Variants in HSPA12A observed in about 807,000 individuals in gnomAD.
The protein encoded by HSPA12A is heat shock 70 kDa protein 12A.
In HSPA12A, 28 loss-of-function variants were observed where a neutral mutation model predicts 69.2. The observed-to-expected ratio is 0.40, with a 90% CI of 0.30 to 0.55. The LOEUF (loss-of-function observed/expected upper bound fraction) is 0.55. Ranked by LOEUF, HSPA12A falls within the 20% of genes least tolerant of loss-of-function variation. The pLI is 0.38. For synonymous variants in HSPA12A, 345 were observed against 370.5 expected (o/e 0.93, Z 0.79); for missense variants, 686 against 900.7 (o/e 0.76, Z 3.05).
At chr10:116,811,384 C>T (rs1637558) in intron 2 of HSPA12A, among the ~76,000 whole-genome samples, 56,347 of 151,634 alleles carry the variant, frequency 0.37, 11,012 homozygotes, top group Middle Eastern at 0.48. Flanking sequence ...CCCAGGCCAC[C>T]TCCGCAAGGC....
intron 1 of HSPA12A, among the ~76,000 whole-genome samples, chr10:116,712,064 G>C (rs572446436): frequency 1.4e-3 from 207 of 152,228 alleles, no homozygotes; most frequent in Non-Finnish European, 1.9e-3. Flanking sequence ...CCTTTCTGGG[G>C]AACAGACCTT....
intron 2 of HSPA12A, among the ~76,000 whole-genome samples, chr10:116,753,330 A>T (rs1036651132): frequency 2.0e-5 from 3 of 152,222 alleles, no homozygotes; most frequent in African/African-American, 7.2e-5. Context: ...GAGGACCCTG[A>T]AAAGACACCT....
intron 6 of HSPA12A, among the ~76,000 whole-genome samples, chr10:116,689,029 A>T (rs1849658421): frequency 2.6e-5 from 4 of 152,156 alleles, no homozygotes; most frequent in Admixed American, 2.6e-4. Flanking sequence ...CTTTTCAACA[A>T]GCACTCAACT....
chr10:116,767,610 C>T (rs1174814524), intron 2 of HSPA12A, among the ~76,000 whole-genome samples: 1 of 152,198 alleles, frequency 6.6e-6, no homozygotes, highest in Non-Finnish European at 1.5e-5. Context: ...CCACAGAAAT[C>T]CAAAACAAGG....
Position 116,681,321 on chromosome 10 carries a change from G to A in HSPA12A, c.923-65C>T, listed in dbSNP as rs373505661. 49 of 1,343,962 alleles carry A rather than the reference G, an allele frequency of 3.6e-5. No individual in the cohort carries two copies. The African/African-American group carries it at 5.9e-4, about 16-fold the overall frequency. 83.3% of individuals were successfully genotyped at this position (1,343,962 alleles called of 1,614,324 possible). A position where few individuals can be genotyped will look rare whatever the true frequency, so the allele number is the denominator to read the frequency against. On this transcript the variant is annotated intron_variant, in intron 8 of 11. Transcript: ENST00000369209. Reference sequence around the variant, plus strand: ...CAACCCCATCTGAAACAAGCTTGTGGGTGGTAACTAGGTAGACCCAGCTAA... The same window carrying A: ...CAACCCCATCTGAAACAAGCTTGTGAGTGGTAACTAGGTAGACCCAGCTAA...
intron 1 of HSPA12A, among the ~76,000 whole-genome samples, chr10:116,720,463 C>T (rs554941492): frequency 1.4e-4 from 21 of 152,354 alleles, no homozygotes; most frequent in African/African-American, 4.8e-4. Flanking sequence ...CCTAGTCAGA[C>T]AGCTGCAGTT....
At chr10:116,690,134 T>C (rs1712855325) in intron 6 of HSPA12A, among the ~76,000 whole-genome samples, 1 of 152,190 alleles carries the variant, frequency 6.6e-6, no homozygotes, top group Admixed American at 6.5e-5. Context: ...ATTTTGCTCA[T>C]AGAGTTGCAA....
At chr10:116,740,880 G>A (rs1554887017) in intron 1 of HSPA12A, among the ~76,000 whole-genome samples, 1 of 143,752 alleles carries the variant, frequency 7.0e-6, no homozygotes, top group East Asian at 2.1e-4. Flanking sequence ...AACTGGCTCA[G>A]TAATTCTCAG....
rs201960187 is a variant in HSPA12A, at chr10:116,785,872, AT to A, written c.91+49062del. 4.6e-3 allele frequency among the ~76,000 whole-genome samples: 694 copies of A among 150,288 alleles called. 5 individuals are homozygous for A. Among genetic ancestry groups the A allele is most frequent in the African/African-American group, 0.015 (620 of 40,802 alleles). ...GCCCTAATACCGCAAGATTCCTCCT[AT>A]TTCCCCCCCTCCCCTCACCTTAGAC... On this transcript the variant is annotated intron_variant, in intron 2 of 12. Transcript: ENST00000635765.
chr10:116,826,116 C>T (rs1293789885), intron 2 of HSPA12A, among the ~76,000 whole-genome samples: 1 of 152,122 alleles, frequency 6.6e-6, no homozygotes, highest in South Asian at 2.1e-4. Flanking sequence ...CACACACACC[C>T]AATAACTCCT....
intron 1 of HSPA12A, among the ~76,000 whole-genome samples, chr10:116,848,591 C>T (rs9421246): frequency 0.32 from 48,272 of 152,016 alleles, 7,796 homozygotes; most frequent in East Asian, 0.42. Flanking sequence ...CGTCGCCGCC[C>T]ACTCCTGCAG....
chr10:116,695,356 G>A (rs2921972), intron 5 of HSPA12A, among the ~76,000 whole-genome samples: 79,690 of 151,946 alleles, frequency 0.52, 21,291 homozygotes, highest in Middle Eastern at 0.64. Context: ...TGTCATGAGA[G>A]CTCCGGTCTC....
At chr10:116,679,998 C>CT (rs34611279) in intron 9 of HSPA12A, among the ~76,000 whole-genome samples, 4 of 151,954 alleles carry the variant, frequency 2.6e-5, no homozygotes, top group Admixed American at 6.6e-5. Context: ...TTTGTGTTTT[C>CT]TTTTTTTTGA....
intron 2 of HSPA12A, among the ~76,000 whole-genome samples, chr10:116,810,680 C>T (rs986410391): frequency 5.3e-5 from 8 of 152,176 alleles, no homozygotes; most frequent in African/African-American, 1.7e-4. Context: ...ATTCTGGCCC[C>T]CTCCTCCAAA....
chr10:116,692,271 C>A, intron 6 of HSPA12A, 80 bp downstream of exon 6: 1 of 1,071,004 alleles, frequency 9.3e-7, no homozygotes. Context: ...TGGGAGGTAC[C>A]TGGGCGGGGC....
intron 2 of HSPA12A, among the ~76,000 whole-genome samples, chr10:116,787,657 G>C (rs903705285): frequency 1.3e-5 from 2 of 152,130 alleles, no homozygotes; most frequent in Admixed American, 1.3e-4. Context: ...GTGGGGCTAG[G>C]GTGGGAGGCG....
At chr10:116,811,870 G>A (rs1845194675) in intron 2 of HSPA12A, among the ~76,000 whole-genome samples, 1 of 152,174 alleles carries the variant, frequency 6.6e-6, no homozygotes, top group African/African-American at 2.4e-5. Context: ...AGGGTCAAGT[G>A]CCACCGCAGG....
chr10:116,816,418 T>G (rs567608614), intron 2 of HSPA12A, among the ~76,000 whole-genome samples: 83 of 152,378 alleles, frequency 5.4e-4, no homozygotes, highest in African/African-American at 1.9e-3. Context: ...ATGTTCCAAA[T>G]TACAGTTTGA....
chr10:116,846,672 A>C (rs974138078), intron 1 of HSPA12A, among the ~76,000 whole-genome samples: 13 of 152,196 alleles, frequency 8.5e-5, no homozygotes, highest in Admixed American at 5.2e-4. Flanking sequence ...TTTCAAGTTT[A>C]TGTAAGTAAT....
Sources: allele counts gnomAD v4.1 joint callset (sites outside exome capture counted in the v4.1 genomes callset), GRCh38; gene constraint gnomAD v4.1.1; transcripts MANE v1.5; gene names NCBI Gene and HGNC (gene_info 2026-07-23, HGNC 2026-07-21).